FBXL13: variants seen among roughly 807,000 people sequenced by gnomAD.
FBXL13 encodes the protein F-box and leucine-rich repeat protein 13.
A neutral mutation model predicts 83.6 loss-of-function variants in FBXL13; 67 were observed. That is an observed-to-expected ratio of 0.80 (90% confidence interval 0.66 to 0.98). The LOEUF is 0.98. FBXL13 is among the 50% of genes least tolerant of loss of function. The pLI is 0.00. For missense variants in FBXL13, 822 were observed against 866.5 expected (o/e 0.95, Z 0.64); for synonymous variants, 272 against 299.5 (o/e 0.91, Z 0.95).
chr7:102,920,100 A>G (rs529565935), intron 10 of FBXL13, among the ~76,000 whole-genome samples: 6 of 152,350 alleles, frequency 3.9e-5, no homozygotes, highest in African/African-American at 1.4e-4. Context: ...ATTGAAGTGT[A>G]TTAGATCACT....
In FBXL13 at chr7:102,884,234, G is replaced by T. The variant is rs757745253; in HGVS notation, c.1087C>A (p.Leu363Met). 6 of 1,613,458 alleles carry T rather than the reference G, an allele frequency of 3.7e-6. No individual in the cohort carries two copies. The Admixed American group carries it at 1.0e-4, about 27-fold the overall frequency. ...CCTACTTTTACACAGTTGTCCGTCAGAGTTGGCATGTCATTAATGGTAAGA... is the reference window on the plus strand; with the variant it reads ...CCTACTTTTACACAGTTGTCCGTCATAGTTGGCATGTCATTAATGGTAAGA... Residue 363 changes from leucine (L) to methionine (M), a missense_variant, in exon 12 of 20, where the codon CTG becomes ATG. By Grantham distance (15) the Leu-to-Met change is conservative. Coordinates refer to ENST00000313221, the Ensembl canonical transcript of FBXL13.
chr7:103,018,102 C>A (rs929530751), intron 6 of FBXL13, among the ~76,000 whole-genome samples: 21 of 152,212 alleles, frequency 1.4e-4, no homozygotes, highest in Non-Finnish European at 1.5e-5. Flanking sequence ...CAAAGGGAAT[C>A]CCATCAGAAT....
At chr7:103,059,849 T>C (rs1032187143) in intron 1 of FBXL13, among the ~76,000 whole-genome samples, 2 of 151,722 alleles carry the variant, frequency 1.3e-5, no homozygotes, top group African/African-American at 4.8e-5. Flanking sequence ...AAATCTGGGA[T>C]CTGCAATCTT....
intron 11 of FBXL13, among the ~76,000 whole-genome samples, chr7:102,906,590 T>A (rs1017380718): frequency 6.6e-6 from 1 of 152,240 alleles, no homozygotes; most frequent in Non-Finnish European, 1.5e-5. Context: ...TTCTCCCTCA[T>A]GTTTGAAGGA....
chr7:102,879,232 G>A (rs974293607), intron 14 of FBXL13, among the ~76,000 whole-genome samples: 1 of 152,198 alleles, frequency 6.6e-6, no homozygotes, highest in Non-Finnish European at 1.5e-5. Context: ...GTACAGATGG[G>A]AAGAACACTG....
chr7:102,917,832 C>T (rs1210628164), intron 10 of FBXL13, among the ~76,000 whole-genome samples: 2 of 152,152 alleles, frequency 1.3e-5, no homozygotes, highest in African/African-American at 2.4e-5. Context: ...CTGAGAGTGC[C>T]ACCTAGGTTG....
At chr7:102,998,140 T>C (rs1028373551) in intron 6 of FBXL13, among the ~76,000 whole-genome samples, 1 of 152,216 alleles carries the variant, frequency 6.6e-6, no homozygotes, top group African/African-American at 2.4e-5. Context: ...TCCCTGATGA[T>C]TCGTGATGTT....
At position 102,825,318 on chromosome 7, in the gene FBXL13, G is replaced by C. The variant is rs193103265; in HGVS notation, c.1855-3115C>G. ...CATCAGTGGATTAACCTGTTATCAT[G>C]AGAGTGGGACTGGTGGCTTTATAAG... On this transcript the variant is annotated intron_variant, in intron 18 of 19. Transcript: ENST00000313221. Among the ~76,000 whole-genome samples the C allele has an allele frequency of 3.9e-5, 6 of 152,276 alleles. No homozygotes were observed. The East Asian group carries it at 1.2e-3, about 29-fold the overall frequency.
chr7:102,943,738 A>C (rs1419484156), intron 8 of FBXL13, among the ~76,000 whole-genome samples: 2 of 152,218 alleles, frequency 1.3e-5, no homozygotes, highest in African/African-American at 4.8e-5. Context: ...CGAATCCTTA[A>C]GGAAGAAGAT....
At chr7:102,991,139 GAAGA>G (rs756550466) in intron 6 of FBXL13, among the ~76,000 whole-genome samples, 1 of 152,170 alleles carries the variant, frequency 6.6e-6, no homozygotes, top group Non-Finnish European at 1.5e-5. Flanking sequence ...AGAATGGAGA[GAAGA>G]AAGAAAGTGA....
chr7:102,960,697 T>C (rs1273354918), intron 8 of FBXL13, among the ~76,000 whole-genome samples: 8 of 151,910 alleles, frequency 5.3e-5, no homozygotes, highest in African/African-American at 9.7e-5. Context: ...AATCAATAAA[T>C]GTAATCCAGC....
chr7:102,974,502 A>G (rs1165570936), intron 6 of FBXL13, among the ~76,000 whole-genome samples: 7 of 152,122 alleles, frequency 4.6e-5, no homozygotes, highest in Non-Finnish European at 1.0e-4. Flanking sequence ...AATGGGTCCT[A>G]ATGGCCCGCA....
intron 11 of FBXL13, among the ~76,000 whole-genome samples, chr7:102,903,730 T>C (rs1813273699): frequency 6.6e-6 from 1 of 152,118 alleles, no homozygotes; most frequent in South Asian, 2.1e-4. Context: ...AATGATTATA[T>C]GGTTTTTATC....
chr7:102,950,443 A>G (rs1823232323), intron 8 of FBXL13, among the ~76,000 whole-genome samples: 1 of 152,236 alleles, frequency 6.6e-6, no homozygotes, highest in African/African-American at 2.4e-5. Flanking sequence ...TTTGGAAGAC[A>G]GTTTGGCACT....
intron 6 of FBXL13, among the ~76,000 whole-genome samples, chr7:102,989,271 C>T (rs1370318536): frequency 1.3e-5 from 2 of 152,214 alleles, no homozygotes; most frequent in Non-Finnish European, 2.9e-5. Context: ...AGGCCGCTTT[C>T]TCTGCTTTGA....
At position 102,944,431 on chromosome 7, in the gene FBXL13, T is replaced by A. The variant is rs950102591; in HGVS notation, c.725-12498A>T. On this transcript the variant is annotated intron_variant, in intron 8 of 19. Coordinates refer to ENST00000313221, the Ensembl canonical transcript of FBXL13. ...CCTGGAATGCAAAACGCCTGAAGAA[T>A]ACAAAGGATGGTCTGTGGGAAAATA... is the stretch of plus-strand genomic sequence containing the variant. 4 of 1,613,828 alleles carry A rather than the reference T, an allele frequency of 2.5e-6. No individual in the cohort carries two copies. In the African/African-American group the frequency reaches 5.3e-5, roughly 22 times the overall value.
At chr7:102,912,684 C>CCCCG (rs1554452560) in intron 11 of FBXL13, among the ~76,000 whole-genome samples, 2 of 114,428 alleles carry the variant, frequency 1.7e-5, no homozygotes, top group Non-Finnish European at 3.6e-5. Context: ...CCCCCCCCCC[C>CCCCG]AAAAAAAAAC....
chr7:102,861,845 G>A (rs1478297182), intron 16 of FBXL13, among the ~76,000 whole-genome samples: 2 of 152,024 alleles, frequency 1.3e-5, no homozygotes, highest in Non-Finnish European at 2.9e-5. Flanking sequence ...ATCCGGGCAT[G>A]GTGGCAGGTG....
intron 1 of FBXL13, among the ~76,000 whole-genome samples, chr7:103,070,619 G>A (rs1798858775): frequency 6.6e-6 from 1 of 152,254 alleles, no homozygotes; most frequent in South Asian, 2.1e-4. Flanking sequence ...ATGCGGCTCA[G>A]GGTTCTGCAG....
Sources: gnomAD v4.1 joint callset for allele counts (sites outside exome capture counted in the v4.1 genomes callset) on GRCh38, gnomAD v4.1.1 for gene constraint, MANE v1.5 for transcripts, NCBI Gene and HGNC (gene_info 2026-07-23, HGNC 2026-07-21) for gene names.